NAALADL2: variants seen among roughly 807,000 people sequenced by gnomAD.
NAALADL2 encodes N-acetylated alpha-linked acidic dipeptidase like 2, also known as inactive N-acetylated-alpha-linked acidic dipeptidase-like protein 2.
A neutral mutation model predicts 87.2 loss-of-function variants in NAALADL2; 76 were observed. The observed-to-expected ratio is 0.87, with a 90% CI of 0.72 to 1.05. The LOEUF is 1.05. NAALADL2 is among the 50% of genes least tolerant of loss of function. The pLI is 0.00. For synonymous variants in NAALADL2, 354 were observed against 331.0 expected (o/e 1.07, Z -0.75); for missense variants, 1,089 against 945.8 (o/e 1.15, Z -1.99).
At chr3:174,944,410 T>C (rs6786877) in intron 1 of NAALADL2, among the ~76,000 whole-genome samples, 78,120 of 151,994 alleles carry the variant, frequency 0.51, 23,737 homozygotes, top group East Asian at 0.85. Flanking sequence ...GTAGCCCAAA[T>C]AGCAAAGATG....
intron 1 of NAALADL2, among the ~76,000 whole-genome samples, chr3:175,083,105 G>A (rs1718201515): frequency 6.6e-6 from 1 of 152,176 alleles, no homozygotes; most frequent in Non-Finnish European, 1.5e-5. Context: ...TTTATAATGT[G>A]TTTAAGGAAC....
intron 3 of NAALADL2, among the ~76,000 whole-genome samples, chr3:174,741,845 A>G (rs1733797617): frequency 2.0e-5 from 3 of 151,738 alleles, no homozygotes. Context: ...TCTTTACACA[A>G]GCGGTTTCCA....
chr3:174,698,660 C>G (rs1054982154), intron 2 of NAALADL2, among the ~76,000 whole-genome samples: 1 of 98,414 alleles, frequency 1.0e-5, no homozygotes, highest in Non-Finnish European at 1.7e-5. Flanking sequence ...GTCAGGAGAT[C>G]GAGACCATCC....
chr3:175,539,025 C>T (rs1582310226), intron 9 of NAALADL2, among the ~76,000 whole-genome samples: 1 of 152,276 alleles, frequency 6.6e-6, no homozygotes, highest in Non-Finnish European at 1.5e-5. Context: ...ATTGTCTTCA[C>T]TCTTAGGAGA....
rs370492197 is a variant in NAALADL2 at position 175,105,403 on chromosome 3, A to C, written c.545+8112A>C. ...TATCACTTTTTTTGAAAATGAAAATAATGTATACTTCTGGTTATTTATACC... is the reference window on the plus strand; with the variant it reads ...TATCACTTTTTTTGAAAATGAAAATCATGTATACTTCTGGTTATTTATACC... On this transcript the variant is annotated intron_variant, in intron 2 of 13. Transcript: ENST00000454872. Among the ~76,000 whole-genome samples, 54 of 152,044 alleles carry C rather than the reference A, an allele frequency of 3.6e-4. 1 individual carries two copies. The highest frequency in any genetic ancestry group is 1.2e-3 in the African/African-American group (50 of 41,510).
intron 2 of NAALADL2, among the ~76,000 whole-genome samples, chr3:175,135,533 C>T (rs1002227009): frequency 6.6e-6 from 1 of 151,680 alleles, no homozygotes; most frequent in Non-Finnish European, 1.5e-5. Flanking sequence ...ATAAACACCA[C>T]CAAGTTAGTC....
intron 1 of NAALADL2, among the ~76,000 whole-genome samples, chr3:174,458,306 T>G (rs867096638): frequency 1.2e-4 from 18 of 152,174 alleles, no homozygotes; most frequent in Admixed American, 9.8e-4. Context: ...TACCTCAGTG[T>G]TGTATTTCTC....
intron 5 of NAALADL2, among the ~76,000 whole-genome samples, chr3:175,422,978 T>C (rs75259947): frequency 0.012 from 1,741 of 143,968 alleles, 33 homozygotes; most frequent in African/African-American, 0.042. Flanking sequence ...CTATCTTCCT[T>C]GATGATTGCA....
At chr3:175,300,578 G>T (rs1414966040) in intron 4 of NAALADL2, among the ~76,000 whole-genome samples, 1 of 151,874 alleles carries the variant, frequency 6.6e-6, no homozygotes, top group Non-Finnish European at 1.5e-5. Flanking sequence ...TTTGCGTACA[G>T]GTGTTTATTG....
At chr3:175,476,791 T>C (rs530844997) in intron 9 of NAALADL2, among the ~76,000 whole-genome samples, 3 of 106,462 alleles carry the variant, frequency 2.8e-5, no homozygotes, top group Admixed American at 2.3e-4. Flanking sequence ...CACAATTCTT[T>C]AGGGTATAAA....
chr3:175,399,182 A>AT (rs1223163274), intron 5 of NAALADL2, among the ~76,000 whole-genome samples: 2 of 152,168 alleles, frequency 1.3e-5, no homozygotes, highest in Non-Finnish European at 2.9e-5. Flanking sequence ...TTTCTTAATT[A>AT]CTATATTTTG....
At chr3:174,751,703 T>A (rs1452784268) in intron 3 of NAALADL2, among the ~76,000 whole-genome samples, 1 of 151,872 alleles carries the variant, frequency 6.6e-6, no homozygotes, top group Non-Finnish European at 1.5e-5. Flanking sequence ...TTCCTAGTAT[T>A]GGAAATTCAT....
chr3:174,787,601 A>ATACATATATATATATATATATATATG (rs1716917799), intron 3 of NAALADL2, among the ~76,000 whole-genome samples: 6 of 91,208 alleles, frequency 6.6e-5, no homozygotes, highest in African/African-American at 2.3e-4. Context: ...ATATATATAT[A>ATACATATATATATATATATATATATG]TATATATATA....
At chr3:175,131,974 G>A (rs1346509108) in intron 2 of NAALADL2, among the ~76,000 whole-genome samples, 4 of 117,552 alleles carry the variant, frequency 3.4e-5, no homozygotes, top group East Asian at 3.0e-4. Flanking sequence ...CCTCCCGGAC[G>A]GGGCAGCTGG....
chr3:175,059,096 A>G (rs1245300375), intron 1 of NAALADL2, among the ~76,000 whole-genome samples: 2 of 152,112 alleles, frequency 1.3e-5, no homozygotes, highest in Admixed American at 6.5e-5. Context: ...AAGTAAAATA[A>G]TGACACTTCG....
At chr3:174,807,437 G>T (rs915647301) in intron 3 of NAALADL2, among the ~76,000 whole-genome samples, 14 of 152,204 alleles carry the variant, frequency 9.2e-5, no homozygotes, top group African/African-American at 3.4e-4. Flanking sequence ...CATATTATCA[G>T]ATATAGCATT....
chr3:175,336,439 G>A (rs1223701006), intron 5 of NAALADL2, among the ~76,000 whole-genome samples: 1 of 152,112 alleles, frequency 6.6e-6, no homozygotes, highest in Non-Finnish European at 1.5e-5. Context: ...TTCCTGCTAC[G>A]AATCCTTCTC....
At chr3:175,072,405 A>G (rs137962652) in intron 1 of NAALADL2, among the ~76,000 whole-genome samples, 376 of 152,142 alleles carry the variant, frequency 2.5e-3, no homozygotes, top group African/African-American at 8.6e-3. Context: ...TTAAAATTAG[A>G]CATCAAATAT....
intron 1 of NAALADL2, among the ~76,000 whole-genome samples, chr3:174,910,303 T>C (rs961832640): frequency 2.0e-5 from 3 of 152,062 alleles, no homozygotes; most frequent in African/African-American, 4.8e-5. Flanking sequence ...TTAAAGTCTT[T>C]GTGTGTGTGT....
Sources: gnomAD v4.1 joint callset for allele counts (sites outside exome capture counted in the v4.1 genomes callset) on GRCh38, gnomAD v4.1.1 for gene constraint, MANE v1.5 for transcripts, NCBI Gene and HGNC (gene_info 2026-07-23, HGNC 2026-07-21) for gene names.